The following SDK1 variants were observed in gnomAD, a reference collection of about 807,000 sequenced individuals.
The protein encoded by SDK1 is protein sidekick-1.
In SDK1, 157 loss-of-function variants were observed where a neutral mutation model predicts 245.5. The ratio of observed to expected loss-of-function variants is 0.64; its 90% CI spans 0.56 to 0.73. The LOEUF (loss-of-function observed/expected upper bound fraction) is 0.73, where lower values mean the gene tolerates loss of function less well. Among genes scored for constraint, SDK1 ranks in the 30% least tolerant of loss-of-function variants. The pLI is 0.00. For missense variants in SDK1, 3,583 were observed against 3,002.3 expected, an observed-to-expected ratio of 1.19 and a Z score of -4.52; for synonymous variants, 1,647 against 1,278.5, an observed-to-expected ratio of 1.29 and a Z score of -6.15.
At chr7:3,889,135 T>G (rs1781399551) in intron 5 of SDK1, among the ~76,000 whole-genome samples, 2 of 152,198 alleles carry the variant, frequency 1.3e-5, no homozygotes, top group Admixed American at 6.5e-5. Flanking sequence ...TGATAAAAAT[T>G]GAGACTGAAA....
At chr7:3,439,822 A>G (rs1171321696) in intron 1 of SDK1, among the ~76,000 whole-genome samples, 1 of 152,072 alleles carries the variant, frequency 6.6e-6, no homozygotes, top group Non-Finnish European at 1.5e-5. Flanking sequence ...CTTTAACTAC[A>G]CCCTTGAAGA....
chr7:3,646,786 G>A (rs979719583), intron 4 of SDK1, among the ~76,000 whole-genome samples: 2 of 152,122 alleles, frequency 1.3e-5, no homozygotes, highest in Non-Finnish European at 2.9e-5. Context: ...TCAGAGGCTG[G>A]TATGTTTTGA....
chr7:3,816,687 A>G (rs1032713705), intron 4 of SDK1, among the ~76,000 whole-genome samples: 3 of 152,190 alleles, frequency 2.0e-5, no homozygotes, highest in African/African-American at 7.2e-5. Context: ...ATTGAAAGCA[A>G]TTTTAGTTCT....
chr7:3,465,834 C>G (rs956840338), intron 1 of SDK1, among the ~76,000 whole-genome samples: 2 of 152,174 alleles, frequency 1.3e-5, no homozygotes, highest in African/African-American at 2.4e-5. Context: ...GGTTGGCCAT[C>G]AGTCTAACAC....
At chr7:3,757,433 C>G (rs1043178040) in intron 4 of SDK1, among the ~76,000 whole-genome samples, 5 of 152,090 alleles carry the variant, frequency 3.3e-5, no homozygotes, top group African/African-American at 1.2e-4. Flanking sequence ...GATGGGGTCT[C>G]ACTGTGTTGC....
At chr7:3,873,193 TA>T (rs1414605354) in intron 5 of SDK1, among the ~76,000 whole-genome samples, 1 of 152,124 alleles carries the variant, frequency 6.6e-6, no homozygotes, top group African/African-American at 2.4e-5. Flanking sequence ...CCTTCACTTT[TA>T]GAGGATATTT....
At chr7:3,342,629 C>G (rs979308563) in intron 1 of SDK1, among the ~76,000 whole-genome samples, 1 of 151,942 alleles carries the variant, frequency 6.6e-6, no homozygotes, top group South Asian at 2.1e-4. Context: ...GAATCCAGAA[C>G]TAAGCAATAA....
intron 1 of SDK1, among the ~76,000 whole-genome samples, chr7:3,310,919 T>G (rs1269054013): frequency 6.6e-6 from 1 of 152,218 alleles, no homozygotes; most frequent in Non-Finnish European, 1.5e-5. Flanking sequence ...GTAGTTGTTG[T>G]GAGGGCTGAT....
At chr7:3,942,220 C>G (rs1040164906) in intron 5 of SDK1, among the ~76,000 whole-genome samples, 2 of 152,202 alleles carry the variant, frequency 1.3e-5, no homozygotes, top group South Asian at 2.1e-4. Flanking sequence ...CTTCAGTCTT[C>G]TCTCAGCAAG....
At chr7:4,250,268 A>T (rs890108351) in intron 44 of SDK1, among the ~76,000 whole-genome samples, 5 of 152,152 alleles carry the variant, frequency 3.3e-5, no homozygotes, top group Admixed American at 1.3e-4. Context: ...TTTGTTTTAA[A>T]ATCTGACTTC....
At position 3,422,558 on chromosome 7, in the gene SDK1, T is replaced by A. The variant is rs144116356; in HGVS notation, c.298+120674T>A. Among the ~76,000 whole-genome samples the A allele has an allele frequency of 2.0e-5, 3 of 152,270 alleles. 1 individual carries two copies. Among genetic ancestry groups the A allele is most frequent in the African/African-American group, 7.2e-5 (3 of 41,554 alleles). ...CTGTAACCCTAGTAACTTGGGAGGC[T>A]GAGGGAGGAGGATTGCTTGAGCTCA... On this transcript the variant is annotated intron_variant, in intron 1 of 44. Coordinates refer to ENST00000404826, the MANE Select transcript of SDK1 (RefSeq NM_152744.4).
chr7:4,095,956 G>A (rs1782125630), intron 22 of SDK1, among the ~76,000 whole-genome samples: 1 of 152,142 alleles, frequency 6.6e-6, no homozygotes, highest in African/African-American at 2.4e-5. Flanking sequence ...TTCCATGTTT[G>A]GGGGCCCACC....
In SDK1 at chr7:3,545,957, G is replaced by A. The variant is rs191138951; in HGVS notation, c.299-73123G>A. ...AGAATACCTAAATCAGTATAACCTC[G>A]TCATTGAAAGAAAGACTTTAGTAAC... On this transcript the variant is annotated intron_variant, in intron 1 of 44. Transcript: ENST00000404826. 3.9e-5 allele frequency among the ~76,000 whole-genome samples: 6 copies of A among 152,276 alleles called. No individual in the cohort carries two copies. The East Asian group carries it at 5.8e-4, about 15-fold the overall frequency.
chr7:3,408,082 G>C (rs1779099949), intron 1 of SDK1, among the ~76,000 whole-genome samples: 1 of 152,050 alleles, frequency 6.6e-6, no homozygotes, highest in Non-Finnish European at 1.5e-5. Context: ...CTGTCACCCA[G>C]GCTGGAATGC....
At chr7:3,366,795 G>A (rs1221428810) in intron 1 of SDK1, among the ~76,000 whole-genome samples, 1 of 152,042 alleles carries the variant, frequency 6.6e-6, no homozygotes, top group Non-Finnish European at 1.5e-5. Flanking sequence ...AGGTTGGAGT[G>A]CAGTGGCGTG....
chr7:4,074,309 G>T (rs200200926), intron 20 of SDK1, among the ~76,000 whole-genome samples: 1 of 152,286 alleles, frequency 6.6e-6, no homozygotes, highest in East Asian at 1.9e-4. Flanking sequence ...TCTGTAGTTT[G>T]CTGACCTAAG....
chr7:4,051,566 T>C (rs1789480423), intron 18 of SDK1, 72 bp from the exon 19 acceptor site: 1 of 1,299,706 alleles, frequency 7.7e-7, no homozygotes, highest in Admixed American at 2.5e-5. Context: ...CAAAATAAAA[T>C]TCTGCTGCAG....
At chr7:3,405,471 T>G (rs1268727557) in intron 1 of SDK1, among the ~76,000 whole-genome samples, 2 of 152,194 alleles carry the variant, frequency 1.3e-5, no homozygotes, top group African/African-American at 4.8e-5. Context: ...AAAATTTGAA[T>G]GTATATGCTT....
chr7:3,987,058 T>C (rs779548160), intron 13 of SDK1, 128 bp from the exon 14 acceptor site: 23 of 860,856 alleles, frequency 2.7e-5, no homozygotes, highest in Non-Finnish European at 4.2e-5. Flanking sequence ...TATTTGTGTT[T>C]GGGCATATTT....
Sources: gnomAD v4.1 joint callset for allele counts (sites outside exome capture counted in the v4.1 genomes callset) on GRCh38, gnomAD v4.1.1 for gene constraint, MANE v1.5 for transcripts, NCBI Gene and HGNC (gene_info 2026-07-23, HGNC 2026-07-21) for gene names.